Variants in SLC4A10 observed in about 807,000 individuals in gnomAD.
SLC4A10 encodes sodium-driven chloride bicarbonate exchanger.
Under a neutral mutation model 137.7 loss-of-function variants are expected in SLC4A10, and 42 were observed. That is an observed-to-expected ratio of 0.30 (90% CI 0.24 to 0.39). The LOEUF (loss-of-function observed/expected upper bound fraction) is 0.39. SLC4A10 is among the 10% of genes least tolerant of loss of function. The probability of loss-of-function intolerance (pLI) is 1.00; values close to 1 mark genes in which losing one functional copy is unlikely to be tolerated. For missense variants in SLC4A10, 925 were observed against 1,355.0 expected (o/e 0.68, Z 4.98); for synonymous variants, 474 against 464.1 (o/e 1.02, Z -0.27).
chr2:161,725,118 C>T (rs1394517609), intron 1 of SLC4A10, among the ~76,000 whole-genome samples: 1 of 152,106 alleles, frequency 6.6e-6, no homozygotes, highest in Non-Finnish European at 1.5e-5. Context: ...GCTTTGAACA[C>T]TAGTAGGAAT....
chr2:161,851,267 T>C (rs2059815996), intron 4 of SLC4A10, among the ~76,000 whole-genome samples: 1 of 152,172 alleles, frequency 6.6e-6, no homozygotes, highest in Non-Finnish European at 1.5e-5. Flanking sequence ...ATATCTCTTG[T>C]TAGTATTCTG....
intron 1 of SLC4A10, among the ~76,000 whole-genome samples, chr2:161,764,222 A>T (rs1440670308): frequency 5.3e-5 from 8 of 152,156 alleles, no homozygotes; most frequent in African/African-American, 1.7e-4. Context: ...AATTTCCAGG[A>T]TATATTGTTA....
chr2:161,832,156 G>C (rs144233444), intron 3 of SLC4A10, among the ~76,000 whole-genome samples: 284 of 152,278 alleles, frequency 1.9e-3, no homozygotes, highest in Non-Finnish European at 3.1e-3. Context: ...CACATATCCC[G>C]CTACATGTGC....
Position 161,981,362 on chromosome 2 carries a change from T to C in SLC4A10, c.*27-1817T>C, listed in dbSNP as rs185508529. On this transcript the variant is annotated intron_variant, in intron 26 of 26. Coordinates refer to ENST00000446997, the MANE Select transcript of SLC4A10 (RefSeq NM_001178015.2). ...TCAAAAAATAAGAGTTCATTGGAAT[T>C]GGGAATACCAGCCTCAGAATTCTGG... 1.4e-3 allele frequency among the ~76,000 whole-genome samples: 220 copies of C among 152,324 alleles called. 1 individual carries two copies. Among genetic ancestry groups the C allele is most frequent in the Non-Finnish European group, 1.8e-3 (125 of 68,036 alleles).
intron 9 of SLC4A10, among the ~76,000 whole-genome samples, chr2:161,882,089 C>T (rs1413606974): frequency 6.6e-6 from 1 of 151,278 alleles, no homozygotes; most frequent in Non-Finnish European, 1.5e-5. Context: ...ATAACAACTG[C>T]ACATGCTGTA....
chr2:161,932,719 G>T (rs1288749355), intron 15 of SLC4A10, among the ~76,000 whole-genome samples: 1 of 152,144 alleles, frequency 6.6e-6, no homozygotes, highest in Non-Finnish European at 1.5e-5. Context: ...AAAATGTAAA[G>T]TATAGGATCT....
chr2:161,747,662 T>C (rs552183903), intron 1 of SLC4A10, among the ~76,000 whole-genome samples: 2 of 152,270 alleles, frequency 1.3e-5, no homozygotes, highest in African/African-American at 4.8e-5. Context: ...TTTTTTTTCC[T>C]GGAAGACTGA....
intron 1 of SLC4A10, among the ~76,000 whole-genome samples, chr2:161,730,718 G>T (rs2046738712): frequency 6.6e-6 from 1 of 152,162 alleles, no homozygotes; most frequent in African/African-American, 2.4e-5. Flanking sequence ...GCATAAAAGT[G>T]TAATTTCCCA....
intron 1 of SLC4A10, among the ~76,000 whole-genome samples, chr2:161,765,010 G>T (rs1309463557): frequency 6.6e-6 from 1 of 152,118 alleles, no homozygotes; most frequent in Non-Finnish European, 1.5e-5. Context: ...CTGTTACTCT[G>T]TTCCAGGGCA....
At chr2:161,814,351 C>G (rs527891151) in intron 3 of SLC4A10, among the ~76,000 whole-genome samples, 10 of 152,126 alleles carry the variant, frequency 6.6e-5, no homozygotes, top group Admixed American at 3.9e-4. Flanking sequence ...GGTTCAGCCA[C>G]TGTGGAAAGC....
At chr2:161,952,781 CTT>C (rs1425095799) in intron 19 of SLC4A10, among the ~76,000 whole-genome samples, 3 of 152,152 alleles carry the variant, frequency 2.0e-5, no homozygotes, top group Non-Finnish European at 4.4e-5. Context: ...GCCTATAACT[CTT>C]GTCTCCTATA....
chr2:161,777,937 C>T (rs1315644240), intron 2 of SLC4A10, among the ~76,000 whole-genome samples: 2 of 151,976 alleles, frequency 1.3e-5, no homozygotes, highest in African/African-American at 2.4e-5. Flanking sequence ...TTACTCATTA[C>T]ATCTCTTTGT....
At chr2:161,684,687 G>T (rs372930515) in intron 1 of SLC4A10, among the ~76,000 whole-genome samples, 2 of 152,100 alleles carry the variant, frequency 1.3e-5, no homozygotes, top group Admixed American at 6.6e-5. Flanking sequence ...CAAGTTTGTT[G>T]CAGGGATTCA....
intron 14 of SLC4A10, 22 bp downstream of exon 14, chr2:161,904,931 G>A: frequency 6.2e-7 from 1 of 1,611,682 alleles, no homozygotes; most frequent in Non-Finnish European, 8.5e-7. Flanking sequence ...GTACTTTTTG[G>A]CCCTTAGCCT....
intron 1 of SLC4A10, among the ~76,000 whole-genome samples, chr2:161,624,836 C>T (rs1408380611): frequency 6.6e-6 from 1 of 151,922 alleles, no homozygotes; most frequent in East Asian, 1.9e-4. Flanking sequence ...TAGGTTTTAG[C>T]AGCAGGGGCA....
intron 26 of SLC4A10, among the ~76,000 whole-genome samples, chr2:161,979,751 G>A (rs919733884): frequency 6.6e-6 from 1 of 152,158 alleles, no homozygotes; most frequent in African/African-American, 2.4e-5. Context: ...GACCCAAAGA[G>A]CAGGTTACTA....
intron 2 of SLC4A10, among the ~76,000 whole-genome samples, chr2:161,786,381 A>C (rs2125505055): frequency 6.6e-6 from 1 of 151,914 alleles, no homozygotes; most frequent in South Asian, 2.1e-4. Flanking sequence ...GCAATTTGAC[A>C]ATCTATATCT....
intron 16 of SLC4A10, among the ~76,000 whole-genome samples, chr2:161,945,161 C>G (rs1693503233): frequency 7.8e-6 from 1 of 127,456 alleles, no homozygotes; most frequent in South Asian, 2.5e-4. Flanking sequence ...TTATGGCAAA[C>G]TGGAGTACTT....
intron 3 of SLC4A10, among the ~76,000 whole-genome samples, chr2:161,829,187 T>C (rs1404980426): frequency 6.6e-6 from 1 of 152,134 alleles, no homozygotes; most frequent in African/African-American, 2.4e-5. Context: ...CCAGACATGT[T>C]AGTGCTTAAT....
Sources: gnomAD v4.1 joint callset for allele counts (sites outside exome capture counted in the v4.1 genomes callset) on GRCh38, gnomAD v4.1.1 for gene constraint, MANE v1.5 for transcripts, NCBI Gene and HGNC (gene_info 2026-07-23, HGNC 2026-07-21) for gene names.